NINJ2: variants seen among roughly 807,000 people sequenced by gnomAD.
NINJ2 encodes ninjurin-2.
A neutral mutation model predicts 11.7 loss-of-function variants in NINJ2; 12 were observed. The ratio of observed to expected loss-of-function variants is 1.02; its 90% CI spans 0.66 to 1.66. The LOEUF (loss-of-function observed/expected upper bound fraction) is 1.66. Among genes scored for constraint, NINJ2 ranks in the 40% most tolerant of loss-of-function variants. The pLI is 0.00. For synonymous variants in NINJ2, 93 were observed against 76.8 expected (o/e 1.21, Z -1.10); for missense variants, 187 against 181.8 (o/e 1.03, Z -0.16).
In NINJ2 at chr12:584,398, C is replaced by T. The variant is rs146145662; in HGVS notation, c.34-18220G>A. Among the ~76,000 whole-genome samples the T allele has an allele frequency of 1.0e-3, 153 of 152,132 alleles. 1 individual carries two copies. The highest frequency in any genetic ancestry group is 3.2e-4 in the Non-Finnish European group (22 of 68,022). ...CATGAAAAACTTTTTTGGCTGGACACGGTGGCTCACGCCTGTAATCCCAGC... is the reference window on the plus strand; with the variant it reads ...CATGAAAAACTTTTTTGGCTGGACATGGTGGCTCACGCCTGTAATCCCAGC... On this transcript the variant is annotated intron_variant, in intron 1 of 3. Transcript: ENST00000305108.
At chr12:600,638 G>T (rs1204449114) in intron 1 of NINJ2, among the ~76,000 whole-genome samples, 1 of 150,622 alleles carries the variant, frequency 6.6e-6, no homozygotes, top group African/African-American at 2.5e-5. Context: ...AAGGCGGGTG[G>T]CAGAATTTTT....
chr12:642,261 G>A (rs1948428102), intron 1 of NINJ2, among the ~76,000 whole-genome samples: 1 of 151,992 alleles, frequency 6.6e-6, no homozygotes, highest in South Asian at 2.1e-4. Context: ...TTGTTTGTTT[G>A]TTTTTGTTTT....
chr12:578,946 G>A (rs1190188626), intron 1 of NINJ2, among the ~76,000 whole-genome samples: 1 of 152,196 alleles, frequency 6.6e-6, no homozygotes, highest in African/African-American at 2.4e-5. Flanking sequence ...GAAGCACTGA[G>A]AGCCTCTCGT....
chr12:609,770 C>CAAAAAAAAAAAAAAAAAAA (rs1185755822), intron 1 of NINJ2, among the ~76,000 whole-genome samples: 3 of 88,810 alleles, frequency 3.4e-5, no homozygotes, highest in Non-Finnish European at 6.3e-5. Flanking sequence ...GACTCTGCCT[C>CAAAAAAAAAAAAAAAAAAA]AAAAAAAAAA....
intron 1 of NINJ2, among the ~76,000 whole-genome samples, chr12:659,324 A>G (rs1002628666): frequency 2.6e-5 from 4 of 152,124 alleles, no homozygotes; most frequent in Non-Finnish European, 5.9e-5. Context: ...GGTGGAAAAA[A>G]AGGGGCCAAT....
chr12:621,430 G>C (rs1009959841), intron 1 of NINJ2, among the ~76,000 whole-genome samples: 5 of 150,036 alleles, frequency 3.3e-5, no homozygotes, highest in Non-Finnish European at 5.9e-5. Flanking sequence ...CTCCACCCTA[G>C]GTGACAGGGT....
rs939542879 is a variant in NINJ2, at chr12:580,706, G to A, written c.34-14528C>T. ...TGAACCTCTTCTGTGGCACCTTCTGGGGGTGCCTGCCAATGGCTATAGTAT... is the reference window on the plus strand; with the variant it reads ...TGAACCTCTTCTGTGGCACCTTCTGAGGGTGCCTGCCAATGGCTATAGTAT... On this transcript the variant is annotated intron_variant, in intron 1 of 3. Transcript: ENST00000305108. This position sits in a 1 kb window ranked among gnomAD's most constrained non-coding sequence, Gnocchi z 4.7. Among the ~76,000 whole-genome samples, 1 of 152,174 alleles carries A rather than the reference G, an allele frequency of 6.6e-6. No individual in the cohort carries two copies. Among genetic ancestry groups the A allele is most frequent in the Non-Finnish European group, 1.5e-5 (1 of 68,032 alleles).
intron 1 of NINJ2, among the ~76,000 whole-genome samples, chr12:611,269 CTT>C (rs1948029641): frequency 6.8e-6 from 1 of 146,856 alleles, no homozygotes; most frequent in Non-Finnish European, 1.5e-5. Context: ...TTCTTTCTTT[CTT>C]TCTCTCTCTC....
At chr12:598,487 C>T (rs1235514938) in intron 1 of NINJ2, among the ~76,000 whole-genome samples, 1 of 152,108 alleles carries the variant, frequency 6.6e-6, no homozygotes, top group Non-Finnish European at 1.5e-5. Context: ...TGGCCATAGG[C>T]CACTTTCGAA....
chr12:610,400 C>G, intron 1 of NINJ2: 1 of 1,535,540 alleles, frequency 6.5e-7, no homozygotes, highest in Non-Finnish European at 8.7e-7. Context: ...AGCCTCTTGC[C>G]CCACCAAGCA....
At chr12:653,619 A>G (rs1937828734) in intron 1 of NINJ2, among the ~76,000 whole-genome samples, 2 of 152,208 alleles carry the variant, frequency 1.3e-5, no homozygotes. Flanking sequence ...AAAGTTAAAA[A>G]AAAGTACAAC....
chr12:631,826 G>A (rs1948285811), intron 1 of NINJ2, among the ~76,000 whole-genome samples: 1 of 152,174 alleles, frequency 6.6e-6, no homozygotes, highest in Non-Finnish European at 1.5e-5. Context: ...AATGTTTCCA[G>A]GAAACTATCT....
At chr12:638,604 A>G (rs952142999) in intron 1 of NINJ2, among the ~76,000 whole-genome samples, 1 of 152,106 alleles carries the variant, frequency 6.6e-6, no homozygotes, top group Admixed American at 6.5e-5. Context: ...TTTAGTAGAG[A>G]CGGGGTTTCA....
rs556499031 is a variant in NINJ2 at position 640,499 on chromosome 12, T to C, written c.33+22829A>G. Among the ~76,000 whole-genome samples the C allele has an allele frequency of 5.9e-5, 9 of 152,256 alleles. No individual in the cohort carries two copies. Among genetic ancestry groups the C allele is most frequent in the African/African-American group, 1.9e-4 (8 of 41,552 alleles). On this transcript the variant is annotated intron_variant, in intron 1 of 3. Coordinates refer to ENST00000305108, the MANE Select transcript of NINJ2 (RefSeq NM_016533.6). This position sits in a 1 kb window ranked among gnomAD's most constrained non-coding sequence, Gnocchi z 4.0. ...CTGGTACTTGACTTCTATTCCTCCTTTCTTCTTAATGGTCCTGTTTTTATT... is the reference window on the plus strand; with the variant it reads ...CTGGTACTTGACTTCTATTCCTCCTCTCTTCTTAATGGTCCTGTTTTTATT...
intron 1 of NINJ2, among the ~76,000 whole-genome samples, chr12:625,382 G>A (rs990185234): frequency 2.0e-5 from 3 of 152,094 alleles, no homozygotes; most frequent in East Asian, 1.9e-4. Flanking sequence ...AGGTGAAGTC[G>A]AGACCTTGCA....
At chr12:646,744 A>G (rs948089209) in intron 1 of NINJ2, among the ~76,000 whole-genome samples, 1 of 152,152 alleles carries the variant, frequency 6.6e-6, no homozygotes, top group Non-Finnish European at 1.5e-5. Flanking sequence ...GAAAATGTGT[A>G]TCCGGGCAGA....
At chr12:599,309 G>A (rs992928999) in intron 1 of NINJ2, among the ~76,000 whole-genome samples, 3 of 152,082 alleles carry the variant, frequency 2.0e-5, no homozygotes, top group Non-Finnish European at 4.4e-5. Flanking sequence ...TCTTGAACGC[G>A]GGAGGCGGAG....
intron 1 of NINJ2, among the ~76,000 whole-genome samples, chr12:609,770 C>CAAAAAAAAAAAAAAAAAAAAAAA (rs1185755822): frequency 1.1e-5 from 1 of 88,822 alleles, no homozygotes; most frequent in African/African-American, 5.0e-5. Flanking sequence ...GACTCTGCCT[C>CAAAAAAAAAAAAAAAAAAAAAAA]AAAAAAAAAA....
intron 1 of NINJ2, among the ~76,000 whole-genome samples, chr12:612,099 CAATCA>C: frequency 6.6e-6 from 1 of 152,278 alleles, no homozygotes; most frequent in Middle Eastern, 3.4e-3. Flanking sequence ...TGAGCATCTT[CAATCA>C]TGTGTATAAG....
Sources: gnomAD v4.1 joint callset for allele counts (sites outside exome capture counted in the v4.1 genomes callset) on GRCh38, gnomAD v4.1.1 for gene constraint, Gnocchi (gnomAD v3.1) non-coding constraint, MANE v1.5 for transcripts, NCBI Gene and HGNC (gene_info 2026-07-23, HGNC 2026-07-21) for gene names.